The following CPB1 variants were observed in gnomAD, a reference collection of about 807,000 sequenced individuals.
The protein encoded by CPB1 is carboxypeptidase B1.
CPB1 carries 53 observed loss-of-function variants against 51.4 expected under a neutral mutation model. That is an observed-to-expected ratio of 1.03 (90% CI 0.83 to 1.30). CPB1 has a LOEUF of 1.30. Among genes scored for constraint, CPB1 ranks in the 50% most tolerant of loss-of-function variants. The pLI is 0.00. For missense variants in CPB1, 494 were observed against 516.2 expected (o/e 0.96, Z 0.42); for synonymous variants, 189 against 186.9 (o/e 1.01, Z -0.09).
In CPB1 at chr3:148,860,132, C is replaced by T; in HGVS notation, c.*130C>T. ...CTTTTAAGCTTCTGGGTCTATTAAA[C>T]TAGGTAGATCTTTTCGTATTGATCA... is the stretch of plus-strand genomic sequence containing the variant. On this transcript the variant is annotated 3_prime_UTR_variant, in exon 11 of 11. Coordinates refer to ENST00000282957, the MANE Select transcript of CPB1 (RefSeq NM_001871.3). The T allele has an allele frequency of 1.3e-6, 1 of 797,682 alleles. No homozygotes were observed. The highest frequency in any genetic ancestry group is 2.0e-6 in the Non-Finnish European group (1 of 503,964). 49.4% of individuals were successfully genotyped at this position (797,682 alleles called of 1,614,324 possible).
At chr3:148,855,389 G>A (rs771321579) in intron 9 of CPB1, 6 of 152,098 alleles carry the variant, frequency 3.9e-5, no homozygotes, top group Non-Finnish European at 8.8e-5. Context: ...TGCCGATGAC[G>A]GTGTAGAGAG....
chr3:148,830,297 T>A (rs190512881), intron 2 of CPB1, among the ~76,000 whole-genome samples: 4 of 152,282 alleles, frequency 2.6e-5, no homozygotes, highest in Admixed American at 2.6e-4. Flanking sequence ...TGCAATCACA[T>A]CTGCAGTATT....
rs2108024193 is a variant in CPB1, at chr3:148,859,866, A to G, written c.1118A>G (p.Tyr373Cys). Residue 373 changes from tyrosine (Y) to cysteine (C), a missense_variant, in exon 11 of 11, where the codon TAT (tyrosine) becomes TGT (cysteine). Transcript: ENST00000282957. ...TGGGCTTATGACCAAGGAATCAGAT[A>G]TTCCTTCACCTTTGAACTTCGAGAT... ...DDWAYDQGIR[Y>C]SFTFELRDTG... The G allele has an allele frequency of 1.2e-6, 2 of 1,613,978 alleles. No individual in the cohort carries two copies. Among genetic ancestry groups the G allele is most frequent in the East Asian group, 2.2e-5 (1 of 44,882 alleles).
chr3:148,859,071 A>G (rs372610909), intron 10 of CPB1, among the ~76,000 whole-genome samples: 7 of 152,316 alleles, frequency 4.6e-5, no homozygotes, highest in East Asian at 1.9e-4. Context: ...ACCTATTTAT[A>G]TATGGTGAAC....
At chr3:148,828,706 G>A (rs992371399) in intron 2 of CPB1, among the ~76,000 whole-genome samples, 2 of 152,154 alleles carry the variant, frequency 1.3e-5, no homozygotes, top group Admixed American at 1.3e-4. Flanking sequence ...GGAAGCTATT[G>A]CTGACCACAA....
intron 3 of CPB1, among the ~76,000 whole-genome samples, chr3:148,836,077 A>C (rs1019712553): frequency 1.3e-5 from 2 of 152,012 alleles, no homozygotes; most frequent in African/African-American, 4.8e-5. Context: ...ATAAAAATAT[A>C]TATATAAATA....
chr3:148,835,130 G>A (rs1336705415), intron 3 of CPB1, among the ~76,000 whole-genome samples: 8 of 152,162 alleles, frequency 5.3e-5, no homozygotes, highest in African/African-American at 9.7e-5. Flanking sequence ...GGCATGGAGA[G>A]AAAGACGCAA....
chr3:148,852,640 A>C (rs1713464931), intron 9 of CPB1, among the ~76,000 whole-genome samples: 1 of 152,252 alleles, frequency 6.6e-6, no homozygotes, highest in East Asian at 1.9e-4. Flanking sequence ...TTTATTTGGG[A>C]GAAACTCCAC....
rs368129115 is a variant in CPB1 at position 148,845,434 on chromosome 3, C to T, written c.789C>T (p.Ala263=). The T allele has an allele frequency of 1.2e-6, 2 of 1,613,684 alleles. No homozygotes were observed. Among genetic ancestry groups the T allele is most frequent in the Non-Finnish European group, 1.7e-6 (2 of 1,179,742 alleles). Reference sequence around the variant, plus strand: ...CATATGTTTTTCCAGAAATTGGAGCCTCTCGAAACCCCTGTGATGAAACTT... The same window carrying T: ...CATATGTTTTTCCAGAAATTGGAGCTTCTCGAAACCCCTGTGATGAAACTT... ...NFDAGWCEIG[A]SRNPCDETYC... is the part of the protein sequence containing the mutation. Residue 263 remains alanine (A), a synonymous_variant, in exon 9 of 11, where the codon GCC becomes GCT. Transcript: ENST00000282957.
At chr3:148,837,826 G>T (rs1712950842) in intron 3 of CPB1, among the ~76,000 whole-genome samples, 1 of 151,930 alleles carries the variant, frequency 6.6e-6, no homozygotes, top group African/African-American at 2.4e-5. Context: ...TAACTAACTG[G>T]TTTTTTATGC....
intron 6 of CPB1, among the ~76,000 whole-genome samples, chr3:148,843,286 G>A (rs1439803047): frequency 3.3e-5 from 5 of 152,164 alleles, no homozygotes; most frequent in Non-Finnish European, 5.9e-5. Flanking sequence ...TGACGGGTAT[G>A]TGGGAACTAC....
At chr3:148,850,528 T>C (rs1425251305) in intron 9 of CPB1, among the ~76,000 whole-genome samples, 1 of 152,040 alleles carries the variant, frequency 6.6e-6, no homozygotes, top group Non-Finnish European at 1.5e-5. Context: ...GGTCTCGATC[T>C]CCTGACCTTG....
At chr3:148,846,852 G>A (rs1327099286) in intron 9 of CPB1, among the ~76,000 whole-genome samples, 9 of 88,424 alleles carry the variant, frequency 1.0e-4, no homozygotes, top group African/African-American at 2.4e-4. Context: ...TGTTAGCACC[G>A]CCAAGCATTT....
chr3:148,835,914 A>G (rs968648000), intron 3 of CPB1, among the ~76,000 whole-genome samples: 1 of 152,198 alleles, frequency 6.6e-6, no homozygotes, highest in Admixed American at 6.5e-5. Flanking sequence ...TAGTGCAACA[A>G]GTAAAGGCTT....
intron 9 of CPB1, 79 bp from the exon 10 acceptor site, chr3:148,857,378 C>T (rs1023236123): frequency 9.4e-7 from 1 of 1,066,634 alleles, no homozygotes; most frequent in Non-Finnish European, 1.4e-6. Flanking sequence ...GCTTTGAATG[C>T]CTTAAAAATA....
At chr3:148,840,537 G>T (rs1391391091) in intron 3 of CPB1, 149 bp from the exon 4 acceptor site, 2 of 674,056 alleles carry the variant, frequency 3.0e-6, no homozygotes, top group Non-Finnish European at 5.3e-6. Context: ...AGCAGCTGAA[G>T]GTCATCAGGA....
intron 3 of CPB1, among the ~76,000 whole-genome samples, chr3:148,834,857 TTCTGCCAGATATC>T (rs1290695102): frequency 1.3e-5 from 2 of 152,194 alleles, no homozygotes; most frequent in Non-Finnish European, 2.9e-5. Flanking sequence ...ACCCCAAGTC[TTCTGCCAGATATC>T]TGACTTGGTC....
chr3:148,855,036 C>T (rs968715614), intron 9 of CPB1: 1 of 152,176 alleles, frequency 6.6e-6, no homozygotes, highest in Non-Finnish European at 1.5e-5. Context: ...GGAAGTAATT[C>T]AGGAAAATCT....
At position 148,841,895 on chromosome 3, in the gene CPB1, C is replaced by T; in HGVS notation, c.547C>T (p.Pro183Ser). The T allele has an allele frequency of 1.2e-6, 2 of 1,613,868 alleles. No individual in the cohort carries two copies. The highest frequency in any genetic ancestry group is 1.7e-6 in the Non-Finnish European group (2 of 1,179,808). The change falls in exon 6 of 11, where the codon CCT becomes TCT. Residue 183 changes from proline (P) to serine (S), a missense_variant. Transcript: ENST00000282957. ...CGFHAREWIS[P>S]AFCQWFVREA... ...TTTCCATGCCAGAGAGTGGATTTCT[C>T]CTGCATTCTGCCAGTGGTTTGTAAG...
Sources: gnomAD v4.1 joint callset for allele counts (sites outside exome capture counted in the v4.1 genomes callset) on GRCh38, gnomAD v4.1.1 for gene constraint, MANE v1.5 for transcripts, NCBI Gene and HGNC (gene_info 2026-07-23, HGNC 2026-07-21) for gene names.